APLF: variants seen among roughly 807,000 people sequenced by gnomAD.
The protein encoded by APLF is aprataxin and PNK-like factor.
Under a neutral mutation model 55.6 loss-of-function variants are expected in APLF, and 61 were observed. That is an observed-to-expected ratio of 1.10 (90% CI 0.89 to 1.36). APLF has a LOEUF of 1.36. Ranked by LOEUF, APLF falls within the 40% of genes most tolerant of loss-of-function variation. The pLI, the probability that APLF is intolerant of heterozygous loss-of-function variation, is 0.00. For missense variants in APLF, 611 were observed against 602.5 expected (o/e 1.01, Z -0.15); for synonymous variants, 207 against 214.8 (o/e 0.96, Z 0.32).
chr2:68,471,144 C>G (rs371471924), intron 1 of APLF, among the ~76,000 whole-genome samples: 1 of 152,144 alleles, frequency 6.6e-6, no homozygotes, highest in Non-Finnish European at 1.5e-5. Context: ...CCTTCCATTT[C>G]GGCATCTCAG....
At chr2:68,568,447 A>G (rs1213863537) in intron 9 of APLF, 4 of 355,044 alleles carry the variant, frequency 1.1e-5, no homozygotes, top group African/African-American at 2.2e-5. Context: ...AGACATAAAA[A>G]TATTCCCTTT....
chr2:68,566,727 A>G (rs1007374932), intron 8 of APLF, among the ~76,000 whole-genome samples: 6 of 152,230 alleles, frequency 3.9e-5, no homozygotes, highest in Admixed American at 2.0e-4. Context: ...CATTTGTTTA[A>G]CTAACAAAAT....
At chr2:68,481,867 A>G (rs1034513469) in intron 1 of APLF, among the ~76,000 whole-genome samples, 1 of 151,734 alleles carries the variant, frequency 6.6e-6, no homozygotes, top group Admixed American at 6.6e-5. Context: ...CTTCTGCTTG[A>G]TATAGTCTGG....
rs1253198007 is a variant in APLF at position 68,545,149 on chromosome 2, A to T, written c.1161-38A>T. On this transcript the variant is annotated intron_variant, in intron 7 of 9. Transcript: ENST00000303795. ...ATCCACTAAAAATCTAGAATATCCT[A>T]TTTTTTTTTTCTGACAGTATATTTG... 1.1e-5 allele frequency: 16 copies of T among 1,478,120 alleles called. No individual in the cohort carries two copies. In the East Asian group the frequency reaches 2.3e-4, roughly 21 times the overall value. The allele number at this position is 1,478,120 out of a possible 1,614,324, so 91.6% of individuals were successfully genotyped here.
chr2:68,484,682 G>T (rs1486460699), intron 1 of APLF, among the ~76,000 whole-genome samples: 2 of 144,602 alleles, frequency 1.4e-5, no homozygotes, highest in African/African-American at 5.4e-5. Context: ...GCAGAGCGAA[G>T]CTTAGTCTGA....
At chr2:68,514,270 A>G (rs747144331) in intron 5 of APLF, among the ~76,000 whole-genome samples, 5 of 151,706 alleles carry the variant, frequency 3.3e-5, no homozygotes, top group Non-Finnish European at 7.4e-5. Flanking sequence ...TCTACGTACA[A>G]CTTTGCCATT....
At chr2:68,511,642 AT>A (rs769769345) in intron 3 of APLF, among the ~76,000 whole-genome samples, 174 of 151,836 alleles carry the variant, frequency 1.1e-3, no homozygotes, top group Non-Finnish European at 2.1e-3. Flanking sequence ...AATATTTTTC[AT>A]GTTAAATATT....
At chr2:68,527,138 G>A (rs578169757) in intron 6 of APLF, among the ~76,000 whole-genome samples, 4 of 151,664 alleles carry the variant, frequency 2.6e-5, no homozygotes, top group African/African-American at 7.3e-5. Context: ...AACAGTGAGG[G>A]GGCCGGGCAG....
At chr2:68,572,097 A>C (rs1343549871) in intron 9 of APLF, among the ~76,000 whole-genome samples, 1 of 139,624 alleles carries the variant, frequency 7.2e-6, no homozygotes, top group African/African-American at 3.2e-5. Flanking sequence ...AAAGAAAACT[A>C]TTAAGGAGGC....
intron 5 of APLF, among the ~76,000 whole-genome samples, chr2:68,518,498 TATA>T (rs1345683755): frequency 1.7e-5 from 2 of 117,664 alleles, no homozygotes; most frequent in East Asian, 2.4e-4. Flanking sequence ...ATTAATAATA[TATA>T]ATAATGTTAA....
chr2:68,571,317 T>C (rs1671457058), intron 9 of APLF, among the ~76,000 whole-genome samples: 1 of 152,196 alleles, frequency 6.6e-6, no homozygotes, highest in Non-Finnish European at 1.5e-5. Context: ...CATTTGTCAA[T>C]TTTGGCTTTT....
At position 68,468,138 on chromosome 2, in the gene APLF, A is replaced by G. The variant is rs559810571; in HGVS notation, c.96+311A>G. ...CTAAGAATGATTCTTAAATTCTGAA[A>G]TGTAAAATGTAAACAAAAAATCTAC... is the stretch of plus-strand genomic sequence containing the variant. On this transcript the variant is annotated intron_variant, in intron 1 of 9. Transcript: ENST00000303795. Among the ~76,000 whole-genome samples, 3 of 152,350 alleles carry G rather than the reference A, an allele frequency of 2.0e-5. No individual in the cohort carries two copies. The South Asian group carries it at 6.2e-4, about 32-fold the overall frequency.
rs529455537 is a variant in APLF at position 68,527,192 on chromosome 2, C to T, written c.804+950C>T. Among the ~76,000 whole-genome samples the T allele has an allele frequency of 2.3e-4, 35 of 150,468 alleles. 1 individual carries two copies. Among genetic ancestry groups the T allele is most frequent in the African/African-American group, 6.9e-4 (28 of 40,772 alleles). The stretch of plus-strand genomic sequence containing the variant: ...AGACAGGGCAGTGGCTGGGCAGAAG[C>T]GCTCCTCACTTCCCAGATGGGACGG... On this transcript the variant is annotated intron_variant, in intron 6 of 9. Transcript: ENST00000303795.
intron 9 of APLF, among the ~76,000 whole-genome samples, chr2:68,577,419 C>T (rs1035692238): frequency 1.8e-4 from 28 of 152,068 alleles, no homozygotes; most frequent in African/African-American, 5.1e-4. Flanking sequence ...TTAAAGCATC[C>T]TTTTGGAAGT....
At chr2:68,477,394 G>T (rs930344211) in intron 1 of APLF, among the ~76,000 whole-genome samples, 7 of 152,246 alleles carry the variant, frequency 4.6e-5, no homozygotes, top group Admixed American at 1.3e-4. Context: ...AGCACTTTGG[G>T]AGGCTGAGGT....
chr2:68,471,466 CAAAT>C (rs777032923), intron 1 of APLF, among the ~76,000 whole-genome samples: 2 of 152,038 alleles, frequency 1.3e-5, no homozygotes, highest in African/African-American at 2.4e-5. Context: ...GGTTAAGAGA[CAAAT>C]AAACAAGTAT....
chr2:68,572,535 T>C (rs1671497312), intron 9 of APLF, among the ~76,000 whole-genome samples: 1 of 152,188 alleles, frequency 6.6e-6, no homozygotes, highest in Admixed American at 6.6e-5. Context: ...CAAAAAACTT[T>C]GGTAAAAATC....
intron 1 of APLF, among the ~76,000 whole-genome samples, chr2:68,482,457 G>T (rs1458335312): frequency 6.6e-6 from 1 of 152,138 alleles, no homozygotes; most frequent in East Asian, 1.9e-4. Flanking sequence ...TCGCCAGGCT[G>T]GTTGTTGAGC....
chr2:68,488,948 T>G (rs929185186), intron 1 of APLF, among the ~76,000 whole-genome samples: 23 of 151,988 alleles, frequency 1.5e-4, no homozygotes, highest in African/African-American at 5.6e-4. Context: ...ATTGTGCACA[T>G]GTACCCTAAA....
Sources: gnomAD v4.1 joint callset for allele counts (sites outside exome capture counted in the v4.1 genomes callset) on GRCh38, gnomAD v4.1.1 for gene constraint, MANE v1.5 for transcripts, NCBI Gene and HGNC (gene_info 2026-07-23, HGNC 2026-07-21) for gene names.